KIF5C: variants seen among roughly 807,000 people sequenced by gnomAD.
KIF5C encodes kinesin family member 5C, also known as kinesin heavy chain isoform 5C.
KIF5C carries 18 observed loss-of-function variants against 125.2 expected under a neutral mutation model. The observed-to-expected ratio is 0.14, with a 90% CI of 0.10 to 0.21. KIF5C has a LOEUF of 0.21. KIF5C is among the 10% of genes least tolerant of loss of function. The pLI, the probability that KIF5C is intolerant of heterozygous loss-of-function variation, is 1.00. For synonymous variants in KIF5C, 405 were observed against 434.0 expected, an observed-to-expected ratio of 0.93 and a Z score of 0.83; for missense variants, 780 against 1,183.8, an observed-to-expected ratio of 0.66 and a Z score of 5.01.
chr2:148,971,997 C>T (rs542795465), intron 11 of KIF5C, among the ~76,000 whole-genome samples: 6 of 152,040 alleles, frequency 3.9e-5, no homozygotes, highest in Non-Finnish European at 5.9e-5. Context: ...TGCAATGGCG[C>T]GATCTCGGCT....
chr2:148,875,584 CCATCCCCGTGCCCCCT>C lies in KIF5C; in HGVS notation c.-32_-17del. 1 of 972,450 alleles carries C rather than the reference CCATCCCCGTGCCCCCT, an allele frequency of 1.0e-6. No homozygotes were observed. Among genetic ancestry groups the C allele is most frequent in the Non-Finnish European group, 1.6e-6 (1 of 635,408 alleles). The allele number at this position is 972,450 out of a possible 1,614,324, so 60.2% of individuals were successfully genotyped here. ...GTCGTTCCCGGCCCCGGCCCCCCAC[CCATCCCCGTGCCCCCT>C]CCCTACCGCCGGCCGAGATGGCGGA... is the stretch of plus-strand genomic sequence containing the variant. On this transcript the variant is annotated 5_prime_UTR_variant, in exon 1 of 26. Coordinates refer to ENST00000435030, the MANE Select transcript of KIF5C (RefSeq NM_004522.3).
intron 1 of KIF5C, among the ~76,000 whole-genome samples, chr2:148,908,442 C>T (rs1681200659): frequency 6.6e-6 from 1 of 152,214 alleles, no homozygotes; most frequent in Admixed American, 6.5e-5. Flanking sequence ...AACCTAGGTT[C>T]ATCCACTCTT....
At chr2:148,978,878 A>G (rs1681152008) in intron 12 of KIF5C, 44 bp from the exon 13 acceptor site, 1 of 1,547,736 alleles carries the variant, frequency 6.5e-7, no homozygotes, top group African/African-American at 1.4e-5. Flanking sequence ...GATATCAAAA[A>G]TGACATAACT....
At chr2:148,965,433 A>C (rs1306897963) in intron 11 of KIF5C, among the ~76,000 whole-genome samples, 3 of 152,160 alleles carry the variant, frequency 2.0e-5, no homozygotes, top group Non-Finnish European at 4.4e-5. Context: ...TTTCCTCCCC[A>C]GCTAACATTT....
chr2:148,974,607 G>C (rs1032855083), intron 12 of KIF5C, among the ~76,000 whole-genome samples: 2 of 152,070 alleles, frequency 1.3e-5, no homozygotes. Context: ...TAGGCTCCAC[G>C]CATACCGTTA....
chr2:148,934,554 TACAC>T (rs146996473), intron 3 of KIF5C, among the ~76,000 whole-genome samples: 22,263 of 143,156 alleles, frequency 0.16, 1,820 homozygotes, highest in East Asian at 0.33. Context: ...CACACACGCA[TACAC>T]ACACACACAC....
chr2:149,025,084 A>G lies in KIF5C; in HGVS notation c.*2014A>G, dbSNP rs961771031. 4 of 152,586 alleles carry G rather than the reference A, an allele frequency of 2.6e-5. No individual in the cohort carries two copies. The highest frequency in any genetic ancestry group is 2.1e-4 in the South Asian group (1 of 4,836). The allele number at this position is 152,586 out of a possible 1,614,324, so 9.5% of individuals were successfully genotyped here. A position where few individuals can be genotyped will look rare whatever the true frequency, so the allele number is the denominator to read the frequency against. ...TATCCATCATAAAATAGATTGTTTT[A>G]GATTCTTTCCAGGGTGATTTTTCCC... is the stretch of plus-strand genomic sequence containing the variant. On this transcript the variant is annotated 3_prime_UTR_variant, in exon 26 of 26. Transcript: ENST00000435030.
intron 25 of KIF5C, among the ~76,000 whole-genome samples, chr2:149,016,665 C>T (rs891618412): frequency 2.0e-5 from 3 of 152,210 alleles, no homozygotes; most frequent in African/African-American, 7.2e-5. Context: ...TGCTGCCTCT[C>T]AGACATCCAG....
intron 8 of KIF5C, chr2:148,947,239 G>A (rs1356987844): frequency 3.2e-6 from 2 of 626,876 alleles, no homozygotes; most frequent in Non-Finnish European, 5.1e-6. Context: ...TGCTTTGCAT[G>A]CCAACTCTGA....
chr2:148,956,093 G>C (rs1238163758), intron 10 of KIF5C, among the ~76,000 whole-genome samples: 1 of 152,194 alleles, frequency 6.6e-6, no homozygotes, highest in African/African-American at 2.4e-5. Context: ...AGACTCATCA[G>C]AATGCAGTGG....
intron 19 of KIF5C, 70 bp downstream of exon 19, chr2:148,998,579 G>A (rs1681746748): frequency 6.5e-7 from 1 of 1,544,634 alleles, no homozygotes; most frequent in African/African-American, 1.4e-5. Flanking sequence ...AGCCTGGAAG[G>A]ATGTGGCTCT....
chr2:148,985,082 C>T (rs951190749), intron 15 of KIF5C, among the ~76,000 whole-genome samples: 1 of 152,038 alleles, frequency 6.6e-6, no homozygotes, highest in African/African-American at 2.4e-5. Flanking sequence ...GGAATACAGG[C>T]GTGAGCCACC....
Position 148,944,733 on chromosome 2 carries a change from G to A in KIF5C, c.589+1973G>A, listed in dbSNP as rs574037629. Among the ~76,000 whole-genome samples the A allele has an allele frequency of 3.3e-5, 5 of 152,162 alleles. No individual in the cohort carries two copies. In the East Asian group the frequency reaches 5.8e-4, roughly 18 times the overall value. Reference sequence around the variant, plus strand: ...AACCGCTACTATTTGCTATTATTACGATTTTCTATAGCAGCTGTACCATTT... The same window carrying A: ...AACCGCTACTATTTGCTATTATTACAATTTTCTATAGCAGCTGTACCATTT... On this transcript the variant is annotated intron_variant, in intron 7 of 25. Coordinates refer to ENST00000435030, the MANE Select transcript of KIF5C (RefSeq NM_004522.3).
At chr2:148,922,348 A>G in intron 2 of KIF5C, 121 bp downstream of exon 2, 1 of 581,282 alleles carries the variant, frequency 1.7e-6, no homozygotes, top group Non-Finnish European at 3.0e-6. Flanking sequence ...AATTGGAAAC[A>G]CTGAATTCTA....
At position 149,024,107 on chromosome 2, in the gene KIF5C, C is replaced by T. The variant is rs1010547186; in HGVS notation, c.*1037C>T. ...AGTTATTATTTTAACCCATAATTGG[C>T]GACTGTTTATATGAATTCTTTCTTT... On this transcript the variant is annotated 3_prime_UTR_variant, in exon 26 of 26. Transcript: ENST00000435030. 3.3e-5 allele frequency: 5 copies of T among 152,424 alleles called. No homozygotes were observed. Among genetic ancestry groups the T allele is most frequent in the South Asian group, 4.1e-4 (2 of 4,830 alleles). The allele number at this position is 152,424 out of a possible 1,614,324, so 9.4% of individuals were successfully genotyped here.
At chr2:148,974,923 AAGAG>A (rs1260799395) in intron 12 of KIF5C, among the ~76,000 whole-genome samples, 1 of 152,232 alleles carries the variant, frequency 6.6e-6, no homozygotes, top group Non-Finnish European at 1.5e-5. Flanking sequence ...TCATTGATCC[AAGAG>A]AGAGACTTTA....
chr2:148,882,460 A>G (rs1157985131), intron 1 of KIF5C, among the ~76,000 whole-genome samples: 1 of 152,128 alleles, frequency 6.6e-6, no homozygotes, highest in African/African-American at 2.4e-5. Context: ...CAGGTTGGAA[A>G]CCAGATGCTT....
chr2:148,927,616 T>C (rs1047888643), intron 2 of KIF5C, among the ~76,000 whole-genome samples: 3 of 152,230 alleles, frequency 2.0e-5, no homozygotes, highest in African/African-American at 4.8e-5. Context: ...TTTTGTGTTA[T>C]GAATATGGCA....
chr2:149,011,426 C>A, intron 24 of KIF5C, 144 bp from the exon 25 acceptor site: 1 of 1,186,006 alleles, frequency 8.4e-7, no homozygotes, highest in Non-Finnish European at 1.1e-6. Context: ...TTCCCATTTT[C>A]AGAGAGATCT....
Sources: allele counts gnomAD v4.1 joint callset (sites outside exome capture counted in the v4.1 genomes callset), GRCh38; gene constraint gnomAD v4.1.1; transcripts MANE v1.5; gene names NCBI Gene and HGNC (gene_info 2026-07-23, HGNC 2026-07-21).